Variants in FRMPD1 observed in about 807,000 individuals in gnomAD.
FRMPD1 encodes FERM and PDZ domain containing 1.
Under a neutral mutation model 117.8 loss-of-function variants are expected in FRMPD1, and 76 were observed. The observed-to-expected ratio is 0.65, with a 90% CI of 0.54 to 0.78. The LOEUF is 0.78. Among genes scored for constraint, FRMPD1 ranks in the 30% least tolerant of loss-of-function variants. FRMPD1 has a pLI of 0.00. For missense variants in FRMPD1, 1,786 were observed against 1,964.5 expected (o/e 0.91, Z 1.72); for synonymous variants, 783 against 770.4 (o/e 1.02, Z -0.27).
At chr9:37,743,244 G>A (rs1824505914) in intron 15 of FRMPD1, among the ~76,000 whole-genome samples, 1 of 152,212 alleles carries the variant, frequency 6.6e-6, no homozygotes, top group Non-Finnish European at 1.5e-5. Context: ...TCCTTTTAGT[G>A]AATACCTAAT....
chr9:37,644,775 T>C, the FRMPD1 span, among the ~76,000 whole-genome samples: 1 of 152,208 alleles, frequency 6.6e-6, no homozygotes, highest in African/African-American at 2.4e-5. Context: ...GATTGTCATG[T>C]GTGTCCTGCC....
the FRMPD1 span, among the ~76,000 whole-genome samples, chr9:37,626,198 CATGCCTGTA>C: frequency 8.5e-5 from 13 of 152,176 alleles, no homozygotes; most frequent in Non-Finnish European, 1.9e-4. Context: ...CATGGTGGCA[CATGCCTGTA>C]ATCCCAGCTA....
At chr9:37,634,556 G>T in the FRMPD1 span, among the ~76,000 whole-genome samples, 2 of 152,026 alleles carry the variant, frequency 1.3e-5, no homozygotes, top group Non-Finnish European at 2.9e-5. Context: ...ATCTGGAATG[G>T]TTGTTTTCCA....
At position 37,729,798 on chromosome 9, in the gene FRMPD1, A is replaced by T; in HGVS notation, c.683A>T (p.Glu228Val). The T allele has an allele frequency of 6.2e-7, 1 of 1,613,926 alleles. No homozygotes were observed. Among genetic ancestry groups the T allele is most frequent in the Non-Finnish European group, 8.5e-7 (1 of 1,179,846 alleles). ...SIEYFALALE[E>V]QYSISRLHLL... ...GAGTACTTTGCACTGGCCCTGGAAG[A>T]GCAGTACAGCATCTCCCGGCTGCAC... Residue 228 changes from glutamate to valine, a missense_variant, in exon 8 of 16, where the codon GAG becomes GTG. Coordinates refer to ENST00000377765, the MANE Select transcript of FRMPD1 (RefSeq NM_014907.3).
chr9:37,645,039 G>A, the FRMPD1 span, among the ~76,000 whole-genome samples: 22 of 151,482 alleles, frequency 1.5e-4, no homozygotes, highest in South Asian at 2.3e-3. Flanking sequence ...ACTTGATGCT[G>A]GCCACAACCT....
At chr9:37,650,647 C>T (rs1294865098), upstream of FRMPD1, among the ~76,000 whole-genome samples, 3 of 152,164 alleles carry the variant, frequency 2.0e-5, no homozygotes, top group Non-Finnish European at 2.9e-5. Flanking sequence ...GTCCGGGTGA[C>T]CTTGGGGAGT....
the FRMPD1 span, among the ~76,000 whole-genome samples, chr9:37,635,848 G>A: frequency 2.6e-5 from 4 of 152,226 alleles, no homozygotes; most frequent in Admixed American, 2.6e-4. Context: ...TCCAGAGACC[G>A]AGGGGAGAGT....
At chr9:37,669,381 C>T (rs763512960) in intron 1 of FRMPD1, among the ~76,000 whole-genome samples, 19 of 152,126 alleles carry the variant, frequency 1.2e-4, no homozygotes, top group South Asian at 2.1e-4. Context: ...CTCTCAGCCC[C>T]GCCCCAGACC....
the FRMPD1 span, among the ~76,000 whole-genome samples, chr9:37,606,324 T>C: frequency 2.0e-5 from 3 of 152,246 alleles, no homozygotes; most frequent in African/African-American, 4.8e-5. Context: ...TCTTGAGTGA[T>C]GAAAAAATTG....
chr9:37,648,256 T>C (rs1007270058), upstream of FRMPD1, among the ~76,000 whole-genome samples: 5 of 151,486 alleles, frequency 3.3e-5, no homozygotes, highest in Non-Finnish European at 7.3e-5. Context: ...GCAGTTTGGC[T>C]CAAGACTACA....
chr9:37,735,996 C>G (rs1824104549), intron 13 of FRMPD1, among the ~76,000 whole-genome samples: 1 of 136,608 alleles, frequency 7.3e-6, no homozygotes, highest in Non-Finnish European at 1.6e-5. Context: ...ATGGAGAACA[C>G]CAGAGGATTT....
intron 1 of FRMPD1, among the ~76,000 whole-genome samples, chr9:37,653,952 C>T (rs141583525): frequency 3.8e-4 from 58 of 152,210 alleles, no homozygotes; most frequent in Middle Eastern, 3.4e-3. Context: ...AAGAGTGAGA[C>T]TCCATCTCTA....
At chr9:37,606,162 T>G in the FRMPD1 span, among the ~76,000 whole-genome samples, 1 of 152,122 alleles carries the variant, frequency 6.6e-6, no homozygotes, top group Admixed American at 6.5e-5. Flanking sequence ...CAGGACTCTG[T>G]AATTAAAATG....
chr9:37,707,682 G>A, intron 3 of FRMPD1, 109 bp downstream of exon 3: 4 of 943,398 alleles, frequency 4.2e-6, no homozygotes, highest in Non-Finnish European at 6.5e-6. Context: ...ATCCTACCTG[G>A]GAAGTTAGAA....
In FRMPD1 at chr9:37,729,806, A is replaced by G. The variant is rs1823784852; in HGVS notation, c.691A>G (p.Ser231Gly). Residue 231 changes from serine to glycine, a missense_variant, in exon 8 of 16, where the codon AGC (serine) becomes GGC (glycine). Physicochemically the swap from Ser to Gly is moderately conservative, Grantham distance 56. Coordinates refer to ENST00000377765, the MANE Select transcript of FRMPD1 (RefSeq NM_014907.3). ...YFALALEEQY[S>G]ISRLHLLHEE... ...TGCACTGGCCCTGGAAGAGCAGTAC[A>G]GCATCTCCCGGCTGCACCTGCTGCA... The G allele has an allele frequency of 1.2e-6, 2 of 1,613,942 alleles. No individual in the cohort carries two copies. Among genetic ancestry groups the G allele is most frequent in the Admixed American group, 1.7e-5 (1 of 60,002 alleles).
chr9:37,741,885 T>C (rs973009148), intron 15 of FRMPD1, among the ~76,000 whole-genome samples: 1 of 152,216 alleles, frequency 6.6e-6, no homozygotes, highest in African/African-American at 2.4e-5. Context: ...CAGATTCCGG[T>C]TGGAATTCAC....
At chr9:37,656,798 CACA>C (rs1294898134) in intron 1 of FRMPD1, among the ~76,000 whole-genome samples, 1 of 151,954 alleles carries the variant, frequency 6.6e-6, no homozygotes, top group African/African-American at 2.4e-5. Context: ...CATTAAGTGA[CACA>C]GTGTTTTCAG....
In FRMPD1 at chr9:37,745,359, T is replaced by C; in HGVS notation, c.3327T>C (p.Ser1109=). Residue 1109 remains serine, a synonymous_variant, in exon 16 of 16, where the codon TCT becomes TCC. Transcript: ENST00000377765. ...AGGAAGAGCCACAAGGACAACTATC[T>C]CTGGAAAGAGACAGAGAAGTTACAA... The part of the protein sequence containing the change: ...PTKEEPQGQL[S]LERDREVTNK... The C allele has an allele frequency of 2.5e-6, 4 of 1,613,922 alleles. No homozygotes were observed. Among genetic ancestry groups the C allele is most frequent in the Non-Finnish European group, 3.4e-6 (4 of 1,179,822 alleles).
At position 37,745,855 on chromosome 9, in the gene FRMPD1, T is replaced by C. The variant is rs749100628; in HGVS notation, c.3823T>C (p.Cys1275Arg). The C allele has an allele frequency of 1.2e-6, 2 of 1,614,134 alleles. No individual in the cohort carries two copies. Among genetic ancestry groups the C allele is most frequent in the East Asian group, 2.2e-5 (1 of 44,884 alleles). ...EDPHLETSNH[C>R]LLSEGKSDSS... is the part of the protein sequence containing the mutation. ...TCCTCACTTAGAAACTTCAAACCAT[T>C]GCTTACTCTCAGAAGGCAAAAGTGA... The change falls in exon 16 of 16, where the codon TGC becomes CGC. Residue 1275 changes from cysteine to arginine, a missense_variant. Physicochemically the swap from Cys to Arg is radical, Grantham distance 180. Coordinates refer to ENST00000377765, the MANE Select transcript of FRMPD1 (RefSeq NM_014907.3).
Sources: gnomAD v4.1 joint callset for allele counts (sites outside exome capture counted in the v4.1 genomes callset) on GRCh38, gnomAD v4.1.1 for gene constraint, MANE v1.5 for transcripts, NCBI Gene and HGNC (gene_info 2026-07-23, HGNC 2026-07-21) for gene names.